Variants in POFUT3 observed in about 807,000 individuals in gnomAD.
The protein encoded by POFUT3 is GDP-fucose protein O-fucosyltransferase 3.
At chr8:33,330,755 T>C in the POFUT3 span, among the ~76,000 whole-genome samples, 1 of 152,114 alleles carries the variant, frequency 6.6e-6, no homozygotes, top group African/African-American at 2.4e-5. Context: ...TCACCTCCTG[T>C]CCTGGCCCCT....
the POFUT3 span, among the ~76,000 whole-genome samples, chr8:33,456,792 C>G: frequency 8.8e-4 from 116 of 132,140 alleles, no homozygotes; most frequent in Non-Finnish European, 1.2e-3. Context: ...TTTTTTGAGA[C>G]AGAGTCTCGC....
chr8:33,458,439 G>C, the POFUT3 span, among the ~76,000 whole-genome samples: 1 of 152,154 alleles, frequency 6.6e-6, no homozygotes, highest in East Asian at 1.9e-4. Flanking sequence ...TGGAGGCCAG[G>C]CCTGGTGGCT....
chr8:33,369,843 T>C, the POFUT3 span, among the ~76,000 whole-genome samples: 4 of 152,152 alleles, frequency 2.6e-5, no homozygotes, highest in African/African-American at 9.7e-5. Flanking sequence ...ACTGATATTC[T>C]GGTTACTAGA....
chr8:33,313,165 T>C, the POFUT3 span, among the ~76,000 whole-genome samples: 1 of 152,082 alleles, frequency 6.6e-6, no homozygotes, highest in East Asian at 1.9e-4. Context: ...ATGGAGACCA[T>C]GGAGGAAAAT....
chr8:33,396,200 G>A, the POFUT3 span, among the ~76,000 whole-genome samples: 3 of 152,164 alleles, frequency 2.0e-5, no homozygotes, highest in Admixed American at 2.0e-4. Flanking sequence ...CCTCACTCTG[G>A]GCAATGCTAC....
the POFUT3 span, among the ~76,000 whole-genome samples, chr8:33,336,045 C>G: frequency 6.6e-6 from 1 of 151,994 alleles, no homozygotes; most frequent in Non-Finnish European, 1.5e-5. Flanking sequence ...GGTCAACTGT[C>G]GTGTTGAATA....
chr8:33,356,853 G>T, the POFUT3 span, among the ~76,000 whole-genome samples: 2 of 152,216 alleles, frequency 1.3e-5, no homozygotes, highest in South Asian at 4.1e-4. Context: ...TTTGTATAAG[G>T]TGTAAGGAAG....
At chr8:33,409,895 ACT>A in the POFUT3 span, among the ~76,000 whole-genome samples, 2 of 151,984 alleles carry the variant, frequency 1.3e-5, no homozygotes, top group African/African-American at 4.8e-5. Flanking sequence ...ACAAAGCAAG[ACT>A]CTGCCTCAAA....
chr8:33,318,179 G>C, the POFUT3 span, among the ~76,000 whole-genome samples: 1 of 151,792 alleles, frequency 6.6e-6, no homozygotes, highest in African/African-American at 2.4e-5. Context: ...CCATAGTGCA[G>C]CAAAGTGCTT....
the POFUT3 span, among the ~76,000 whole-genome samples, chr8:33,377,340 C>A: frequency 6.6e-6 from 1 of 152,064 alleles, no homozygotes; most frequent in South Asian, 2.1e-4. Flanking sequence ...AAATAAGCTA[C>A]CTTTAAAAAT....
chr8:33,421,749 T>C, the POFUT3 span, among the ~76,000 whole-genome samples: 1 of 152,224 alleles, frequency 6.6e-6, no homozygotes, highest in Non-Finnish European at 1.5e-5. Context: ...GGAGGCAGTC[T>C]GAAGTATTCT....
the POFUT3 span, among the ~76,000 whole-genome samples, chr8:33,441,324 C>T: frequency 3.1e-5 from 3 of 96,802 alleles, no homozygotes. Context: ...GAGCAAGACT[C>T]CATCTCAAAA....
chr8:33,315,688 C>G, the POFUT3 span, among the ~76,000 whole-genome samples: 11 of 152,086 alleles, frequency 7.2e-5, no homozygotes, highest in Admixed American at 7.2e-4. Flanking sequence ...CTTGTTCCAG[C>G]TGTTCCTGGA....
chr8:33,398,711 C>G, the POFUT3 span, among the ~76,000 whole-genome samples: 297 of 152,200 alleles, frequency 2.0e-3, 1 homozygote, highest in African/African-American at 7.0e-3. Flanking sequence ...ACCCCGGAAC[C>G]TAAAATAAAA....
chr8:33,465,374 T>C, the POFUT3 span, among the ~76,000 whole-genome samples: 1 of 150,438 alleles, frequency 6.6e-6, no homozygotes. Flanking sequence ...CAAGTTTAAG[T>C]GATTTGCCCA....
chr8:33,323,086 C>T, the POFUT3 span, among the ~76,000 whole-genome samples: 146 of 152,182 alleles, frequency 9.6e-4, 1 homozygote, highest in African/African-American at 3.3e-3. Flanking sequence ...GTGGCTCTCC[C>T]GCTTGCAAGG....
At chr8:33,381,853 C>A in the POFUT3 span, among the ~76,000 whole-genome samples, 2 of 152,140 alleles carry the variant, frequency 1.3e-5, no homozygotes, top group Non-Finnish European at 2.9e-5. Context: ...TCACAGTGCA[C>A]AAAGCTTATT....
the POFUT3 span, among the ~76,000 whole-genome samples, chr8:33,472,630 G>C: frequency 6.6e-6 from 1 of 152,206 alleles, no homozygotes; most frequent in Non-Finnish European, 1.5e-5. Flanking sequence ...GAAGACCTGG[G>C]GGAGAACAAG....
At chr8:33,379,439 C>A in the POFUT3 span, among the ~76,000 whole-genome samples, 3,172 of 150,030 alleles carry the variant, frequency 0.021, 116 homozygotes, top group African/African-American at 0.075. Flanking sequence ...AACAAAAAAA[C>A]AAACACTATC....
Sources: allele counts gnomAD v4.1 joint callset (sites outside exome capture counted in the v4.1 genomes callset), GRCh38; gene constraint gnomAD v4.1.1; transcripts MANE v1.5; gene names NCBI Gene and HGNC (gene_info 2026-07-23, HGNC 2026-07-21).